RBM19: variants seen among roughly 807,000 people sequenced by gnomAD.
RBM19 encodes the protein RNA binding motif protein 19.
A neutral mutation model predicts 116.8 loss-of-function variants in RBM19; 94 were observed. The ratio of observed to expected loss-of-function variants is 0.80; its 90% CI spans 0.68 to 0.95. RBM19 has a LOEUF of 0.95. Among genes scored for constraint, RBM19 ranks in the 40% least tolerant of loss-of-function variants. The pLI is 0.00. For missense variants in RBM19, 1,161 were observed against 1,220.7 expected (o/e 0.95, Z 0.73); for synonymous variants, 475 against 494.1 (o/e 0.96, Z 0.51).
intron 2 of RBM19, among the ~76,000 whole-genome samples, chr12:113,961,645 A>C (rs1337279359): frequency 1.3e-5 from 2 of 152,230 alleles, no homozygotes; most frequent in Non-Finnish European, 2.9e-5. Context: ...TTACGAAGTC[A>C]CTAAATACAC....
intron 21 of RBM19, among the ~76,000 whole-genome samples, chr12:113,913,024 A>G (rs2135849789): frequency 6.6e-6 from 1 of 152,290 alleles, no homozygotes; most frequent in South Asian, 2.1e-4. Flanking sequence ...CAAGGAGAAG[A>G]GTCACCACAT....
At position 113,955,164 on chromosome 12, in the gene RBM19, C is replaced by T; in HGVS notation, c.888G>A (p.Val296=). 1.2e-6 allele frequency: 2 copies of T among 1,612,446 alleles called. No homozygotes were observed. The highest frequency in any genetic ancestry group is 1.7e-6 in the Non-Finnish European group (2 of 1,178,626). ...CATTGAACGGGGCTCCCCGCAGCTT[C>T]ACGGTGTGGCAGGTGGTGGGTTCCT... is the stretch of plus-strand genomic sequence containing the variant. ...NQKEPTTCHT[V]KLRGAPFNVT... Residue 296 remains valine (V), a synonymous_variant, in exon 7 of 24, where the codon GTG becomes GTA. Coordinates refer to ENST00000261741, the MANE Select transcript of RBM19 (RefSeq NM_016196.4).
chr12:113,875,601 A>C (rs1004850418), intron 21 of RBM19, among the ~76,000 whole-genome samples: 4 of 152,178 alleles, frequency 2.6e-5, no homozygotes, highest in African/African-American at 9.7e-5. Flanking sequence ...TGTAGGTGGG[A>C]GTCTCTTTTC....
At chr12:113,910,404 G>A (rs11614117) in intron 21 of RBM19, among the ~76,000 whole-genome samples, 1,939 of 152,288 alleles carry the variant, frequency 0.013, 17 homozygotes, top group Non-Finnish European at 0.02. Flanking sequence ...AGGGCCTGGC[G>A]CAAAAGAAAA....
At chr12:113,871,597 G>A (rs1262980591) in intron 21 of RBM19, among the ~76,000 whole-genome samples, 2 of 152,194 alleles carry the variant, frequency 1.3e-5, no homozygotes, top group African/African-American at 2.4e-5. Context: ...AACGGACGAC[G>A]GGGACGTAGG....
At chr12:113,960,261 C>T (rs1462261326) in intron 2 of RBM19, 83 bp from the exon 3 acceptor site, 2 of 1,580,072 alleles carry the variant, frequency 1.3e-6, no homozygotes, top group Non-Finnish European at 1.7e-6. Flanking sequence ...GGAGCTCGGG[C>T]ATTTCAGACA....
At chr12:113,953,248 G>A (rs1309849870) in intron 7 of RBM19, among the ~76,000 whole-genome samples, 2 of 152,200 alleles carry the variant, frequency 1.3e-5, no homozygotes, top group African/African-American at 4.8e-5. Context: ...CAGCACTTTG[G>A]GAGTCCAAGG....
intron 22 of RBM19, among the ~76,000 whole-genome samples, chr12:113,846,820 C>T (rs1266586141): frequency 6.6e-6 from 1 of 152,200 alleles, no homozygotes; most frequent in East Asian, 1.9e-4. Flanking sequence ...TCAAGCAATC[C>T]TCCCACCTTG....
intron 23 of RBM19, among the ~76,000 whole-genome samples, chr12:113,843,414 G>A (rs1287517338): frequency 6.6e-6 from 1 of 152,196 alleles, no homozygotes; most frequent in Non-Finnish European, 1.5e-5. Context: ...GAGGTGGGGA[G>A]GAATGCGGTG....
At chr12:113,853,974 G>A (rs1220004441) in intron 22 of RBM19, among the ~76,000 whole-genome samples, 1 of 152,116 alleles carries the variant, frequency 6.6e-6, no homozygotes, top group South Asian at 2.1e-4. Flanking sequence ...TGGGTGAGAG[G>A]TGGTGGGCAT....
At chr12:113,851,343 C>G (rs1877427403) in intron 22 of RBM19, among the ~76,000 whole-genome samples, 1 of 152,218 alleles carries the variant, frequency 6.6e-6, no homozygotes, top group African/African-American at 2.4e-5. Context: ...CTCAAAGTCT[C>G]TGGGGAGCTG....
chr12:113,949,447 C>A (rs1871303056), intron 9 of RBM19, among the ~76,000 whole-genome samples: 1 of 152,190 alleles, frequency 6.6e-6, no homozygotes, highest in African/African-American at 2.4e-5. Context: ...GTGCTATTAT[C>A]ACTGTATCCT....
rs573847890 is a variant in RBM19, at chr12:113,937,377, C to T, written c.1939-241G>A. The T allele has an allele frequency of 2.0e-5, 7 of 353,660 alleles. No individual in the cohort carries two copies. In the South Asian group the frequency reaches 5.2e-4, roughly 26 times the overall value. The allele number at this position is 353,660 out of a possible 1,614,324, so 21.9% of individuals were successfully genotyped here. On this transcript the variant is annotated intron_variant, in intron 15 of 23. Transcript: ENST00000261741. ...GGCTTTAGTCTCTGTTGCCACCAGA[C>T]ATATGGCAGCTCCCAGGCCCCCTTT...
At chr12:113,864,755 A>G (rs1007658510) in intron 21 of RBM19, among the ~76,000 whole-genome samples, 1 of 152,190 alleles carries the variant, frequency 6.6e-6, no homozygotes, top group African/African-American at 2.4e-5. Context: ...TGAGATACAT[A>G]CAAACTAAAG....
chr12:113,943,375 G>C (rs1466684805), intron 13 of RBM19, among the ~76,000 whole-genome samples: 1 of 152,114 alleles, frequency 6.6e-6, no homozygotes, highest in Non-Finnish European at 1.5e-5. Context: ...ATCCAACACA[G>C]TGCCACAAGC....
chr12:113,915,050 G>C lies in RBM19; in HGVS notation c.2477C>G (p.Pro826Arg). ...AVTLARKKQV[P>R]RKQTTSKILV... ...GATCTTGGAGGTGGTCTGCTTTCTGGGAACTTGTTTCTTCCGAGCCAATGT... is the reference window on the plus strand; with the variant it reads ...GATCTTGGAGGTGGTCTGCTTTCTGCGAACTTGTTTCTTCCGAGCCAATGT... Residue 826 changes from proline to arginine, a missense_variant, in exon 21 of 24, where the codon CCC becomes CGC. Transcript: ENST00000261741. The C allele has an allele frequency of 6.2e-7, 1 of 1,614,202 alleles. No individual in the cohort carries two copies. Among genetic ancestry groups the C allele is most frequent in the South Asian group, 1.1e-5 (1 of 91,078 alleles).
At chr12:113,874,951 A>T (rs891830176) in intron 21 of RBM19, among the ~76,000 whole-genome samples, 1 of 152,256 alleles carries the variant, frequency 6.6e-6, no homozygotes, top group African/African-American at 2.4e-5. Flanking sequence ...ACTTTTCCAG[A>T]CCAGTGGGGT....
At chr12:113,848,317 T>C (rs781175811) in intron 22 of RBM19, among the ~76,000 whole-genome samples, 5 of 152,194 alleles carry the variant, frequency 3.3e-5, no homozygotes, top group Admixed American at 6.5e-5. Flanking sequence ...TCTCCAAAAA[T>C]AGCAGAATTA....
intron 21 of RBM19, among the ~76,000 whole-genome samples, chr12:113,872,090 T>G (rs1879252115): frequency 7.2e-6 from 1 of 138,418 alleles, no homozygotes; most frequent in Non-Finnish European, 1.6e-5. Context: ...GAGCGCCTCT[T>G]CCCAGCCGCC....
Sources: allele counts gnomAD v4.1 joint callset (sites outside exome capture counted in the v4.1 genomes callset), GRCh38; gene constraint gnomAD v4.1.1; transcripts MANE v1.5; gene names NCBI Gene and HGNC (gene_info 2026-07-23, HGNC 2026-07-21).